DIAPH2: variants seen among roughly 807,000 people sequenced by gnomAD.
DIAPH2 encodes protein diaphanous homolog 2.
In DIAPH2, 35 loss-of-function variants were observed where a neutral mutation model predicts 92.7. That is an observed-to-expected ratio of 0.38 (90% CI 0.29 to 0.50). The LOEUF is 0.50. DIAPH2 is among the 20% of genes least tolerant of loss of function. DIAPH2 has a pLI of 0.94. For synonymous variants in DIAPH2, 301 were observed against 280.4 expected, an observed-to-expected ratio of 1.07 and a Z score of -0.73; for missense variants, 701 against 819.5, an observed-to-expected ratio of 0.86 and a Z score of 1.77.
intron 19 of DIAPH2, among the ~76,000 whole-genome samples, chrX:97,084,981 T>A (rs187973719): frequency 4.5e-4 from 50 of 112,205 alleles, no homozygotes; most frequent in African/African-American, 1.5e-3. Flanking sequence ...GTCTTTGGTG[T>A]TGTAAAATTT....
chrX:97,221,087 G>T (rs1206511833), intron 22 of DIAPH2, among the ~76,000 whole-genome samples: 1 of 105,103 alleles, frequency 9.5e-6, no homozygotes, highest in Non-Finnish European at 1.9e-5. Context: ...ATGAGCATTT[G>T]CCTGTCTCAT....
intron 26 of DIAPH2, among the ~76,000 whole-genome samples, chrX:97,462,876 A>G (rs1238845832): frequency 9.0e-6 from 1 of 111,317 alleles, no homozygotes; most frequent in Non-Finnish European, 1.9e-5. Flanking sequence ...AATGAGAAGC[A>G]TCTGGGACCT....
chrX:97,495,168 G>A (rs1224470993), intron 26 of DIAPH2, among the ~76,000 whole-genome samples: 1 of 111,924 alleles, frequency 8.9e-6, no homozygotes, highest in Non-Finnish European at 1.9e-5. Flanking sequence ...TACTAGTAAA[G>A]TGAAATTGCT....
At chrX:97,149,469 C>A (rs1411546030) in intron 22 of DIAPH2, among the ~76,000 whole-genome samples, 6 of 110,379 alleles carry the variant, frequency 5.4e-5, no homozygotes, top group Non-Finnish European at 1.1e-4. Flanking sequence ...CGGTGGCTCA[C>A]GCCTGTAATC....
intron 22 of DIAPH2, among the ~76,000 whole-genome samples, chrX:97,193,385 C>A: frequency 9.0e-6 from 1 of 111,686 alleles, no homozygotes; most frequent in African/African-American, 3.3e-5. Context: ...TTTATACTTC[C>A]TATATTTTGA....
intron 26 of DIAPH2, among the ~76,000 whole-genome samples, chrX:97,585,253 CTTTTT>C (rs5903087): frequency 1.1e-3 from 100 of 92,206 alleles, no homozygotes; most frequent in Non-Finnish European, 1.9e-3. Flanking sequence ...GCTCCACTGA[CTTTTT>C]TTTTTTTTTT....
chrX:97,331,019 G>A (rs1004910455), intron 23 of DIAPH2, among the ~76,000 whole-genome samples: 3 of 110,346 alleles, frequency 2.7e-5, no homozygotes, highest in Non-Finnish European at 3.8e-5. Context: ...ATAACACATT[G>A]ACATTGAAAT....
chrX:97,311,455 C>A (rs1278776667), intron 23 of DIAPH2, among the ~76,000 whole-genome samples: 1 of 111,284 alleles, frequency 9.0e-6, no homozygotes, highest in Non-Finnish European at 1.9e-5. Context: ...CCTGAGCATT[C>A]GGGGATCAGA....
chrX:97,232,517 G>A (rs906582390), intron 22 of DIAPH2, among the ~76,000 whole-genome samples: 13 of 111,432 alleles, frequency 1.2e-4, no homozygotes, highest in Admixed American at 7.7e-4. Context: ...GTGAGCCATC[G>A]CACCCGGCCC....
At chrX:97,144,419 A>G (rs974039323) in intron 22 of DIAPH2, among the ~76,000 whole-genome samples, 2 of 111,410 alleles carry the variant, frequency 1.8e-5, no homozygotes, top group African/African-American at 6.5e-5. Context: ...ATTTCAAAAT[A>G]GCTAGAAGAG....
intron 4 of DIAPH2, among the ~76,000 whole-genome samples, chrX:96,847,484 A>G (rs2064979322): frequency 8.9e-6 from 1 of 111,918 alleles, no homozygotes; most frequent in African/African-American, 3.3e-5. Context: ...TTATTTCTAA[A>G]CTGGGAGATG....
rs1440638670 is a variant in DIAPH2 at position 97,395,098 on chromosome X, G to A, written c.3145+11054G>A. 2.7e-5 allele frequency among the ~76,000 whole-genome samples: 3 copies of A among 111,812 alleles called. No individual in the cohort carries two copies. The East Asian group carries it at 8.4e-4, about 31-fold the overall frequency. On this transcript the variant is annotated intron_variant, in intron 25 of 26. Coordinates refer to ENST00000324765, the MANE Select transcript of DIAPH2 (RefSeq NM_006729.5). Reference sequence around the variant, plus strand: ...CTGGCACATGGTTAGCATGTAATAAGTGTTAAATGTTATCCCTTTGATAAT... The same window carrying A: ...CTGGCACATGGTTAGCATGTAATAAATGTTAAATGTTATCCCTTTGATAAT...
chrX:97,457,903 A>G (rs2070421940), intron 26 of DIAPH2, among the ~76,000 whole-genome samples: 1 of 111,847 alleles, frequency 8.9e-6, no homozygotes, highest in South Asian at 3.8e-4. Flanking sequence ...GTGCCTTGAT[A>G]TTAGACGTCC....
At chrX:96,740,648 T>C (rs898281463) in intron 3 of DIAPH2, among the ~76,000 whole-genome samples, 4 of 111,699 alleles carry the variant, frequency 3.6e-5, no homozygotes, top group Admixed American at 9.5e-5. Flanking sequence ...TACATTTGTG[T>C]CCTCAGATGT....
intron 23 of DIAPH2, among the ~76,000 whole-genome samples, chrX:97,274,028 T>C (rs1482374534): frequency 9.3e-6 from 1 of 107,730 alleles, no homozygotes; most frequent in Non-Finnish European, 1.9e-5. Flanking sequence ...TGTGTGTGTG[T>C]GTGTGTGTGT....
intron 25 of DIAPH2, among the ~76,000 whole-genome samples, chrX:97,399,039 C>T (rs993591617): frequency 1.2e-4 from 13 of 111,257 alleles, no homozygotes; most frequent in African/African-American, 3.3e-4. Context: ...CCATTGCACC[C>T]GGCCGGATGT....
intron 4 of DIAPH2, among the ~76,000 whole-genome samples, chrX:96,850,933 A>G (rs997408508): frequency 9.8e-5 from 11 of 111,801 alleles, no homozygotes; most frequent in African/African-American, 2.9e-4. Flanking sequence ...GAATTCTAAG[A>G]TTTGGCAATG....
chrX:97,016,412 C>T (rs977251371), intron 17 of DIAPH2, among the ~76,000 whole-genome samples: 1 of 111,569 alleles, frequency 9.0e-6, no homozygotes, highest in Non-Finnish European at 1.9e-5. Flanking sequence ...ATCAGAGTGT[C>T]GTTATGAAAA....
chrX:96,866,576 T>C (rs968831007), intron 4 of DIAPH2, among the ~76,000 whole-genome samples: 79 of 111,658 alleles, frequency 7.1e-4, no homozygotes, highest in African/African-American at 2.6e-3. Flanking sequence ...GATGTCAGAT[T>C]TGGTTAGCAT....
Sources: allele counts gnomAD v4.1 joint callset (sites outside exome capture counted in the v4.1 genomes callset), GRCh38; gene constraint gnomAD v4.1.1; transcripts MANE v1.5; gene names NCBI Gene and HGNC (gene_info 2026-07-23, HGNC 2026-07-21).